CNTN1: variants seen among roughly 807,000 people sequenced by gnomAD.
CNTN1 encodes contactin-1.
CNTN1 carries 38 observed loss-of-function variants against 126.4 expected under a neutral mutation model. The observed-to-expected ratio is 0.30, with a 90% CI of 0.23 to 0.39. The LOEUF (loss-of-function observed/expected upper bound fraction) is 0.39. Among genes scored for constraint, CNTN1 ranks in the 10% least tolerant of loss-of-function variants. The probability of loss-of-function intolerance (pLI) is 1.00; values close to 1 mark genes in which losing one functional copy is unlikely to be tolerated. For synonymous variants in CNTN1, 413 were observed against 422.6 expected (o/e 0.98, Z 0.28); for missense variants, 1,009 against 1,248.4 (o/e 0.81, Z 2.89).
intron 1 of CNTN1, among the ~76,000 whole-genome samples, chr12:40,833,124 C>A (rs1335206997): frequency 6.6e-6 from 1 of 151,936 alleles, no homozygotes; most frequent in Non-Finnish European, 1.5e-5. Context: ...GGCGCAGTCT[C>A]GGCTCACGGC....
At chr12:40,791,373 G>A (rs1940215297) in intron 1 of CNTN1, among the ~76,000 whole-genome samples, 1 of 152,022 alleles carries the variant, frequency 6.6e-6, no homozygotes, top group Non-Finnish European at 1.5e-5. Context: ...CTCTGCTATG[G>A]TCTAAAATTC....
chr12:40,794,212 T>G (rs1940324815), intron 1 of CNTN1, among the ~76,000 whole-genome samples: 1 of 152,136 alleles, frequency 6.6e-6, no homozygotes, highest in Non-Finnish European at 1.5e-5. Flanking sequence ...AGCAACATTA[T>G]TTTTGTATTG....
intron 1 of CNTN1, among the ~76,000 whole-genome samples, chr12:40,785,982 G>A (rs1343517583): frequency 6.6e-6 from 1 of 152,090 alleles, no homozygotes; most frequent in Admixed American, 6.6e-5. Flanking sequence ...ATTCAGAAGG[G>A]ACAAACACCC....
At chr12:41,024,024 T>C (rs1241979893) in intron 20 of CNTN1, among the ~76,000 whole-genome samples, 2 of 152,162 alleles carry the variant, frequency 1.3e-5, no homozygotes, top group Non-Finnish European at 2.9e-5. Flanking sequence ...TGAGGAGTTT[T>C]ATAAATGTGC....
chr12:41,017,352 T>C (rs2120752065), intron 19 of CNTN1, among the ~76,000 whole-genome samples: 1 of 145,962 alleles, frequency 6.9e-6, no homozygotes, highest in South Asian at 2.2e-4. Flanking sequence ...CAGGCAGATC[T>C]GTCTGGAGGA....
intron 1 of CNTN1, among the ~76,000 whole-genome samples, chr12:40,792,131 G>A (rs187951746): frequency 6.6e-6 from 1 of 152,108 alleles, no homozygotes; most frequent in East Asian, 1.9e-4. Context: ...TTCCGAAAAG[G>A]CAAAGAACAA....
intron 1 of CNTN1, among the ~76,000 whole-genome samples, chr12:40,812,367 A>C (rs1941096508): frequency 6.6e-6 from 1 of 152,046 alleles, no homozygotes; most frequent in Admixed American, 6.6e-5. Flanking sequence ...TGTTGGATGG[A>C]ATGTTCTGTG....
chr12:41,022,977 A>G (rs746929647), intron 20 of CNTN1, among the ~76,000 whole-genome samples: 3 of 152,040 alleles, frequency 2.0e-5, no homozygotes, highest in African/African-American at 4.8e-5. Flanking sequence ...AGAAAAATCC[A>G]TATTATTTAT....
At chr12:41,033,864 C>T (rs1273533063) in intron 23 of CNTN1, among the ~76,000 whole-genome samples, 1 of 149,510 alleles carries the variant, frequency 6.7e-6, no homozygotes, top group African/African-American at 2.5e-5. Flanking sequence ...TGGTGATACC[C>T]CGTCTCTACT....
intron 1 of CNTN1, among the ~76,000 whole-genome samples, chr12:40,708,289 CA>C (rs1941821026): frequency 6.6e-6 from 1 of 152,136 alleles, no homozygotes; most frequent in Admixed American, 6.5e-5. Context: ...TAAAGAGAGT[CA>C]CACACATTTT....
chr12:40,939,662 A>G (rs566828004), intron 12 of CNTN1, among the ~76,000 whole-genome samples, 177 bp downstream of exon 12: 65 of 152,296 alleles, frequency 4.3e-4, no homozygotes, highest in South Asian at 1.9e-3. Context: ...ATCTATTATA[A>G]TGAAGGTTTA....
Position 40,769,128 on chromosome 12 carries a change from T to A in CNTN1, c.-77+76536T>A, listed in dbSNP as rs550871727. Among the ~76,000 whole-genome samples the A allele has an allele frequency of 3.9e-5, 6 of 152,260 alleles. No homozygotes were observed. The East Asian group carries it at 1.2e-3, about 29-fold the overall frequency. On this transcript the variant is annotated intron_variant, in intron 1 of 23. Transcript: ENST00000551295. Reference sequence around the variant, plus strand: ...AATTACAAAGTCAGATATACCATAGTGCATCTGTGTGGAATTATAAAGTAT... The same window carrying A: ...AATTACAAAGTCAGATATACCATAGAGCATCTGTGTGGAATTATAAAGTAT...
chr12:40,937,703 A>T lies in CNTN1; in HGVS notation c.1228+16A>T, dbSNP rs1415889139. On this transcript the variant is annotated intron_variant, in intron 11 of 23. Coordinates refer to ENST00000551295, the MANE Select transcript of CNTN1 (RefSeq NM_001843.4). ...AAGATCTTGGGTCAGTATCATTTCT[A>T]ATTTCTGTTAAACATTGTTAAAGCA... 2 of 1,394,224 alleles carry T rather than the reference A, an allele frequency of 1.4e-6. No homozygotes were observed. Among genetic ancestry groups the T allele is most frequent in the East Asian group, 4.6e-5 (2 of 43,818 alleles). The allele number at this position is 1,394,224 out of a possible 1,614,324, so 86.4% of individuals were successfully genotyped here.
At chr12:40,697,116 A>G (rs1479457100) in intron 1 of CNTN1, among the ~76,000 whole-genome samples, 1 of 152,172 alleles carries the variant, frequency 6.6e-6, no homozygotes, top group South Asian at 2.1e-4. Context: ...ATTTCTGACC[A>G]TTTCCTTATG....
chr12:40,830,791 GTATATATATATATA>G (rs10592423), intron 1 of CNTN1, among the ~76,000 whole-genome samples: 152 of 75,822 alleles, frequency 2.0e-3, no homozygotes, highest in African/African-American at 4.9e-3. Context: ...AAAGTATAGT[GTATATATATATATA>G]TATATATATA....
In CNTN1 at chr12:41,029,218, A is replaced by G. The variant is rs1418644332; in HGVS notation, c.2979A>G (p.Ser993=). 1 of 1,613,984 alleles carries G rather than the reference A, an allele frequency of 6.2e-7. No homozygotes were observed. Among genetic ancestry groups the G allele is most frequent in the South Asian group, 1.1e-5 (1 of 91,086 alleles). The change falls in exon 23 of 24, where the codon TCA becomes TCG. Residue 993 remains serine, a splice_region_variant and synonymous_variant. Coordinates refer to ENST00000551295, the MANE Select transcript of CNTN1 (RefSeq NM_001843.4). ...GDGVVSQVKI[S]GAPTLSPSLL... is the part of the protein sequence containing the mutation. ...GAGTGGTGTCTCAAGTCAAAATTTC[A>G]GGTAAGTGAGTCATTTAAGACACAT...
chr12:40,882,584 T>C (rs1285668563), intron 1 of CNTN1, among the ~76,000 whole-genome samples: 3 of 151,678 alleles, frequency 2.0e-5, no homozygotes, highest in Non-Finnish European at 4.4e-5. Context: ...CAATAGGAAC[T>C]AGTACTTTCA....
intron 1 of CNTN1, among the ~76,000 whole-genome samples, chr12:40,705,642 T>C (rs1227653822): frequency 6.6e-6 from 1 of 152,192 alleles, no homozygotes; most frequent in Non-Finnish European, 1.5e-5. Flanking sequence ...TAACTCGTCA[T>C]CTAGCATTAG....
At chr12:41,060,426 T>C (rs1198683303) in intron 23 of CNTN1, among the ~76,000 whole-genome samples, 2 of 152,212 alleles carry the variant, frequency 1.3e-5, no homozygotes, top group Non-Finnish European at 2.9e-5. Context: ...CTTGTCTCTT[T>C]GCCTCAAAAA....
Sources: allele counts gnomAD v4.1 joint callset (sites outside exome capture counted in the v4.1 genomes callset), GRCh38; gene constraint gnomAD v4.1.1; transcripts MANE v1.5; gene names NCBI Gene and HGNC (gene_info 2026-07-23, HGNC 2026-07-21).